Variants in GIPC1 observed in about 807,000 individuals in gnomAD.
The protein encoded by GIPC1 is PDZ domain-containing protein GIPC1.
A neutral mutation model predicts 28.5 loss-of-function variants in GIPC1; 15 were observed. The ratio of observed to expected loss-of-function variants is 0.53; its 90% confidence interval spans 0.35 to 0.81. The LOEUF is 0.81. GIPC1 is among the 30% of genes least tolerant of loss of function. GIPC1 has a pLI of 0.01. For missense variants in GIPC1, 439 were observed against 481.9 expected (o/e 0.91, Z 0.83); for synonymous variants, 224 against 206.1 (o/e 1.09, Z -0.74).
rs74908391 is a variant in GIPC1, at chr19:14,486,234, C to T, written c.-30-3228G>A. Among the ~76,000 whole-genome samples the T allele has an allele frequency of 6.6e-3, 998 of 152,230 alleles. 15 individuals carry two copies. The highest frequency in any genetic ancestry group is 0.023 in the African/African-American group (956 of 41,522). On this transcript the variant is annotated intron_variant, in intron 3 of 8. Transcript: ENST00000393033. ...GTAACACAGGGATCACGTTATGCTA[C>T]AATTATGCCCATTGAACAGATGAGA...
chr19:14,485,362 T>C (rs1372067532), intron 3 of GIPC1, among the ~76,000 whole-genome samples: 3 of 133,576 alleles, frequency 2.2e-5, no homozygotes, highest in African/African-American at 8.4e-5. Context: ...TTTTTTTAAA[T>C]TTTATTGTAG....
intron 3 of GIPC1, among the ~76,000 whole-genome samples, chr19:14,484,415 C>T (rs936125947): frequency 1.1e-4 from 17 of 151,088 alleles, no homozygotes; most frequent in African/African-American, 3.2e-4. Context: ...GGATTAAAAG[C>T]GTGAACCACT....
chr19:14,492,736 C>T (rs1196534037), intron 2 of GIPC1, 121 bp downstream of exon 2: 1 of 152,242 alleles, frequency 6.6e-6, no homozygotes, highest in East Asian at 1.9e-4. Flanking sequence ...TGCCAGCTTC[C>T]GTGTCCCCAC....
At chr19:14,490,716 G>C (rs1400749938) in intron 3 of GIPC1, among the ~76,000 whole-genome samples, 1 of 152,052 alleles carries the variant, frequency 6.6e-6, no homozygotes, top group Non-Finnish European at 1.5e-5. Context: ...GCTCACGCCT[G>C]TAATCCCAGC....
Position 14,478,444 on chromosome 19 carries a change from A to G in GIPC1, c.974T>C (p.Ile325Thr), listed in dbSNP as rs767622828. 99 of 1,611,596 alleles carry G rather than the reference A, an allele frequency of 6.1e-5. No homozygotes were observed. Among genetic ancestry groups the G allele is most frequent in the South Asian group, 1.4e-4 (13 of 90,760 alleles). The change falls in exon 9 of 9, where the codon ATT becomes ACT. Residue 325 changes from isoleucine to threonine, a missense_variant. By Grantham distance (89) the Ile-to-Thr change is moderately conservative. Transcript: ENST00000393033. This position sits in a 1 kb window ranked among gnomAD's most constrained non-coding sequence, Gnocchi z 5.2. Reference protein sequence around the residue: ...DEFVFDVWGAIGDAKVGRY With the variant: ...DEFVFDVWGATGDAKVGRY Reference sequence around the variant, plus strand: ...GTAGCGGCCGACCTTGGCGTCCCCAATGGCGCCCCAGACGTCAAAGACGAA... The same window carrying G: ...GTAGCGGCCGACCTTGGCGTCCCCAGTGGCGCCCCAGACGTCAAAGACGAA...
At chr19:14,492,473 ATTGT>A (rs2071994344) in intron 2 of GIPC1, among the ~76,000 whole-genome samples, 1 of 152,030 alleles carries the variant, frequency 6.6e-6, no homozygotes, top group Non-Finnish European at 1.5e-5. Context: ...TGCCCAGCTA[ATTGT>A]TTGTATTTTT....
chr19:14,478,369 C>T lies in GIPC1; in HGVS notation c.*47G>A, dbSNP rs1290143394. Reference sequence around the variant, plus strand: ...GACGTCAGTGTCCCTGCTGGGGGCCCCCACCAGGTTGCGCCCGGGTCATCA... The same window carrying T: ...GACGTCAGTGTCCCTGCTGGGGGCCTCCACCAGGTTGCGCCCGGGTCATCA... On this transcript the variant is annotated 3_prime_UTR_variant, in exon 9 of 9. Transcript: ENST00000393033. This position sits in a 1 kb window ranked among gnomAD's most constrained non-coding sequence, Gnocchi z 5.2. 6 of 1,540,930 alleles carry T rather than the reference C, an allele frequency of 3.9e-6. No individual in the cohort carries two copies. Among genetic ancestry groups the T allele is most frequent in the Non-Finnish European group, 5.3e-6 (6 of 1,139,216 alleles).
chr19:14,480,347 G>A lies in GIPC1; in HGVS notation c.613C>T (p.Arg205Cys), dbSNP rs1419352802. Residue 205 changes from arginine (R) to cysteine (C), a missense_variant, in exon 6 of 9, where the codon CGT becomes TGT. Arg to Cys is a radical substitution (Grantham distance 180). Coordinates refer to ENST00000393033, the MANE Select transcript of GIPC1 (RefSeq NM_005716.4). ...TCCGTGAGCTTCAGCGTGAAGGTACGGCCTCGGGGCAGCTCCTTGAGCAGC... is the reference window on the plus strand; with the variant it reads ...TCCGTGAGCTTCAGCGTGAAGGTACAGCCTCGGGGCAGCTCCTTGAGCAGC... ...ARLLKELPRGRTFTLKLTEPR... is the reference protein window; with the variant it reads ...ARLLKELPRGCTFTLKLTEPR... The A allele has an allele frequency of 1.9e-6, 3 of 1,611,942 alleles. No homozygotes were observed. Among genetic ancestry groups the A allele is most frequent in the Non-Finnish European group, 2.5e-6 (3 of 1,179,898 alleles).
At chr19:14,491,261 A>C (rs1599364063) in intron 3 of GIPC1, among the ~76,000 whole-genome samples, 1 of 150,512 alleles carries the variant, frequency 6.6e-6, no homozygotes, top group East Asian at 2.0e-4. Context: ...GGCCGCATCC[A>C]ATCTTTTTTT....
chr19:14,482,776 G>A lies in GIPC1; in HGVS notation c.201C>T (p.Gly67=), dbSNP rs767352940. 1.7e-5 allele frequency: 28 copies of A among 1,609,446 alleles called. No homozygotes were observed. The highest frequency in any genetic ancestry group is 2.4e-5 in the Non-Finnish European group (28 of 1,178,778). The change falls in exon 4 of 9, where the codon GGC becomes GGT. Residue 67 remains glycine (G), a synonymous_variant. Coordinates refer to ENST00000393033, the MANE Select transcript of GIPC1 (RefSeq NM_005716.4). ...RLVFHTQLAH[G]SPTGRIEGFT... is the part of the protein sequence containing the mutation. ...AGCCCTCGATGCGGCCAGTGGGACT[G>A]CCATGGGCCAGCTGGGTGTGGAACA...
intron 3 of GIPC1, among the ~76,000 whole-genome samples, chr19:14,490,845 C>G (rs1209138955): frequency 1.3e-5 from 2 of 150,856 alleles, no homozygotes; most frequent in African/African-American, 2.4e-5. Flanking sequence ...CGTGGTGGCA[C>G]ACACCTGTAG....
chr19:14,483,076 C>A, intron 3 of GIPC1, 70 bp from the exon 4 acceptor site: 2 of 1,018,584 alleles, frequency 2.0e-6, no homozygotes, highest in Non-Finnish European at 2.8e-6. Context: ...CTACTCGAAC[C>A]ATACAGGCCC....
chr19:14,478,831 C>A lies in GIPC1; in HGVS notation c.769-66G>T. On this transcript the variant is annotated intron_variant, in intron 7 of 8. Transcript: ENST00000393033. This position sits in a 1 kb window ranked among gnomAD's most constrained non-coding sequence, Gnocchi z 5.2. ...TGAATATACATAGTAATTGGACGGA[C>A]TGCCATTGTCACCACTTTACATATA... The A allele has an allele frequency of 1.7e-6, 2 of 1,162,030 alleles. No homozygotes were observed. Among genetic ancestry groups the A allele is most frequent in the Admixed American group, 3.4e-5 (2 of 58,972 alleles). 72.0% of individuals were successfully genotyped at this position (1,162,030 alleles called of 1,614,324 possible).
At chr19:14,493,612 C>T (rs1008587920) in intron 1 of GIPC1, among the ~76,000 whole-genome samples, 2 of 152,070 alleles carry the variant, frequency 1.3e-5, no homozygotes, top group African/African-American at 2.4e-5. Flanking sequence ...CACGCACCAC[C>T]ACATCCGGCT....
Position 14,480,408 on chromosome 19 carries a change from C to G in GIPC1, c.552G>C (p.Gln184His). The change falls in exon 6 of 9, where the codon CAG becomes CAC. Residue 184 changes from glutamine (Q) to histidine (H), a missense_variant. Coordinates refer to ENST00000393033, the MANE Select transcript of GIPC1 (RefSeq NM_005716.4). ...VGDMIEAING[Q>H]SLLGCRHYEV... ...CGTAGTGCCGGCAGCCCAGCAGGCT[C>G]TGCCCGTTAATGGCCTCGATCATGT... 6.2e-7 allele frequency: 1 copy of G among 1,613,660 alleles called. No individual in the cohort carries two copies. The highest frequency in any genetic ancestry group is 1.1e-5 in the South Asian group (1 of 91,056).
rs529187966 is a variant in GIPC1 at position 14,478,299 on chromosome 19, G to A, written c.*117C>T. The stretch of plus-strand genomic sequence containing the variant: ...CCTGGCCCCACCTCCCCTCACCATC[G>A]TCCTTGGGCTGCTGAGCTAGGCTCA... On this transcript the variant is annotated 3_prime_UTR_variant, in exon 9 of 9. Coordinates refer to ENST00000393033, the MANE Select transcript of GIPC1 (RefSeq NM_005716.4). This position sits in a 1 kb window ranked among gnomAD's most constrained non-coding sequence, Gnocchi z 5.2. The A allele has an allele frequency of 3.4e-4, 363 of 1,072,604 alleles. 1 individual carries two copies. The highest frequency in any genetic ancestry group is 7.8e-4 in the Admixed American group (30 of 38,466). The allele number at this position is 1,072,604 out of a possible 1,614,324, so 66.4% of individuals were successfully genotyped here. A position where few individuals can be genotyped will look rare whatever the true frequency, so the allele number is the denominator to read the frequency against.
At chr19:14,480,955 C>A in intron 4 of GIPC1, 177 bp from the exon 5 acceptor site, 1 of 588,900 alleles carries the variant, frequency 1.7e-6, no homozygotes, top group East Asian at 2.8e-5. Flanking sequence ...GTCAGCTCTG[C>A]TAGGACTAGG....
rs750856821 is a variant in GIPC1, at chr19:14,483,007, C to A, written c.-30-1G>T. 6.2e-7 allele frequency: 1 copy of A among 1,600,018 alleles called. No homozygotes were observed. On this transcript the variant is annotated splice_acceptor_variant, in intron 3 of 8. Transcript: ENST00000393033. LOFTEE classifies it low-confidence loss of function (5UTR_SPLICE). Reference sequence around the variant, plus strand: ...GCGAGAAGTGGGGTCACCAGAAGATCTGCAGGACAGGAAGTGGGGCTCAGG... The same window carrying A: ...GCGAGAAGTGGGGTCACCAGAAGATATGCAGGACAGGAAGTGGGGCTCAGG...
rs575592808 is a variant in GIPC1 at position 14,490,892 on chromosome 19, G to A, written c.-31+764C>T. Among the ~76,000 whole-genome samples, 8 of 149,242 alleles carry A rather than the reference G, an allele frequency of 5.4e-5. No individual in the cohort carries two copies. The South Asian group carries it at 6.5e-4, about 12-fold the overall frequency. On this transcript the variant is annotated intron_variant, in intron 3 of 8. Coordinates refer to ENST00000393033, the MANE Select transcript of GIPC1 (RefSeq NM_005716.4). ...CGGGAGGCTGAGGCAGGAGAATGGC[G>A]TGAACTCGGGAGGCGGAGCTTGCAG...
Sources: allele counts gnomAD v4.1 joint callset (sites outside exome capture counted in the v4.1 genomes callset), GRCh38; gene constraint gnomAD v4.1.1; non-coding constraint Gnocchi (gnomAD v3.1); transcripts MANE v1.5; gene names NCBI Gene and HGNC (gene_info 2026-07-23, HGNC 2026-07-21).